The following ARHGAP32 variants were observed in gnomAD, a reference collection of about 807,000 sequenced individuals.
The protein encoded by ARHGAP32 is rho GTPase-activating protein 32.
ARHGAP32 carries 51 observed loss-of-function variants against 186.5 expected under a neutral mutation model. That is an observed-to-expected ratio of 0.27 (90% confidence interval 0.22 to 0.35). The LOEUF (loss-of-function observed/expected upper bound fraction) is 0.35. Ranked by LOEUF, ARHGAP32 falls within the 10% of genes least tolerant of loss-of-function variation. The pLI, the probability that ARHGAP32 is intolerant of heterozygous loss-of-function variation, is 1.00. For missense variants in ARHGAP32, 2,186 were observed against 2,623.5 expected, an observed-to-expected ratio of 0.83 and a Z score of 3.64; for synonymous variants, 950 against 964.3, an observed-to-expected ratio of 0.99 and a Z score of 0.27.
At position 129,276,720 on chromosome 11, in the gene ARHGAP32, T is replaced by A. The variant is rs540849725; in HGVS notation, c.-5+2426A>T. 1.2e-4 allele frequency among the ~76,000 whole-genome samples: 18 copies of A among 152,384 alleles called. No individual in the cohort carries two copies. The East Asian group carries it at 2.9e-3, about 24-fold the overall frequency. ...TTATACGTAATGACAATACTTTACA[T>A]ATTTAAAAACAGTTCTGCAGAGCAT... On this transcript the variant is annotated intron_variant, in intron 1 of 6. Transcript: ENST00000525234.
Position 129,057,036 on chromosome 11 carries a change from T to C in ARHGAP32, c.963+5244A>G, listed in dbSNP as rs143419642. On this transcript the variant is annotated intron_variant, in intron 10 of 22. Coordinates refer to ENST00000682385, the MANE Select transcript of ARHGAP32 (RefSeq NM_001378024.1). ...TCTGTGACGCACAGCCTCCTCCGTG[T>C]TCTGCAGCCGGAGCCCAGTTGACAG... Among the ~76,000 whole-genome samples, 186 of 152,256 alleles carry C rather than the reference T, an allele frequency of 1.2e-3. 2 individuals carry two copies. Among genetic ancestry groups the C allele is most frequent in the Middle Eastern group, 3.4e-3 (1 of 294 alleles).
chr11:129,071,562 C>T (rs964999705), intron 6 of ARHGAP32, among the ~76,000 whole-genome samples: 4 of 151,824 alleles, frequency 2.6e-5, no homozygotes, highest in Admixed American at 1.3e-4. Flanking sequence ...AAGATGGTGT[C>T]GGCAAAGCTG....
intron 1 of ARHGAP32, among the ~76,000 whole-genome samples, chr11:129,261,306 G>T (rs1192225099): frequency 1.3e-5 from 2 of 152,096 alleles, no homozygotes; most frequent in South Asian, 2.1e-4. Context: ...ACTCAGAAAT[G>T]TTTCCAAACC....
At chr11:129,235,816 G>C (rs896249922) in intron 1 of ARHGAP32, among the ~76,000 whole-genome samples, 5 of 151,328 alleles carry the variant, frequency 3.3e-5, no homozygotes, top group Non-Finnish European at 7.4e-5. Context: ...AGGCTATTTA[G>C]TTTTCCATTC....
At chr11:129,023,927 A>G (rs1938713326) in intron 11 of ARHGAP32, 1 of 985,262 alleles carries the variant, frequency 1.0e-6, no homozygotes, top group African/African-American at 1.7e-5. Flanking sequence ...TTAGCAGTAG[A>G]TTCATCAGGA....
At chr11:128,991,383 G>C (rs1946046380) in intron 12 of ARHGAP32, among the ~76,000 whole-genome samples, 1 of 151,928 alleles carries the variant, frequency 6.6e-6, no homozygotes, top group South Asian at 2.1e-4. Flanking sequence ...ATACAAATAG[G>C]TGGCAAAATG....
At chr11:128,976,676 T>C in intron 19 of ARHGAP32, 42 bp from the exon 20 acceptor site, 1 of 1,523,838 alleles carries the variant, frequency 6.6e-7, no homozygotes, top group South Asian at 1.1e-5. Flanking sequence ...TTCTTATTTG[T>C]TACATATGTG....
At chr11:129,129,407 G>C (rs540808206) in intron 2 of ARHGAP32, among the ~76,000 whole-genome samples, 29 of 150,448 alleles carry the variant, frequency 1.9e-4, no homozygotes, top group African/African-American at 7.1e-4. Context: ...CCCAGTCCGG[G>C]AGGGAGGTAG....
At chr11:129,002,972 C>T (rs1370190833) in intron 11 of ARHGAP32, among the ~76,000 whole-genome samples, 1 of 151,880 alleles carries the variant, frequency 6.6e-6, no homozygotes, top group African/African-American at 2.4e-5. Context: ...CTACGCCCGG[C>T]TAACTTTTTG....
intron 1 of ARHGAP32, among the ~76,000 whole-genome samples, chr11:129,185,345 C>G (rs1048810233): frequency 6.6e-6 from 1 of 152,108 alleles, no homozygotes; most frequent in African/African-American, 2.4e-5. Flanking sequence ...AGCAAACTAT[C>G]ACAAGGACAA....
intron 6 of ARHGAP32, among the ~76,000 whole-genome samples, chr11:129,082,256 C>T (rs1459845151): frequency 6.6e-6 from 1 of 151,748 alleles, no homozygotes; most frequent in Non-Finnish European, 1.5e-5. Flanking sequence ...AAAAACAATC[C>T]TAAAATTCAT....
At chr11:129,149,569 C>T (rs1943244533) in intron 2 of ARHGAP32, among the ~76,000 whole-genome samples, 10 of 152,186 alleles carry the variant, frequency 6.6e-5, no homozygotes, top group Admixed American at 6.5e-4. Context: ...TAGGAAGCCC[C>T]ATCCTCAAGA....
intron 1 of ARHGAP32, among the ~76,000 whole-genome samples, chr11:129,165,687 A>G (rs1296990216): frequency 2.0e-5 from 3 of 151,208 alleles, no homozygotes. Flanking sequence ...AGACTTTAAA[A>G]TGGCATTTGT....
At chr11:129,117,972 T>C (rs1942417010) in intron 5 of ARHGAP32, among the ~76,000 whole-genome samples, 1 of 152,018 alleles carries the variant, frequency 6.6e-6, no homozygotes, top group Non-Finnish European at 1.5e-5. Context: ...TTTGCAGAAT[T>C]TTAAACTACA....
At chr11:129,203,154 A>T (rs1428134362) in intron 1 of ARHGAP32, 1 of 152,198 alleles carries the variant, frequency 6.6e-6, no homozygotes, top group Non-Finnish European at 1.5e-5. Flanking sequence ...AACAAATAAC[A>T]AAAACACTTG....
At chr11:129,203,952 T>C (rs1319827500) in intron 1 of ARHGAP32, among the ~76,000 whole-genome samples, 1 of 147,870 alleles carries the variant, frequency 6.8e-6, no homozygotes, top group African/African-American at 2.5e-5. Flanking sequence ...ATTTTATACA[T>C]ATATAAATTA....
At chr11:129,005,209 C>CTTA (rs1937699195) in intron 11 of ARHGAP32, among the ~76,000 whole-genome samples, 1 of 152,086 alleles carries the variant, frequency 6.6e-6, no homozygotes, top group African/African-American at 2.4e-5. Flanking sequence ...CTATTTATAT[C>CTTA]TTATACTGTC....
chr11:128,991,896 C>T (rs938679777), intron 12 of ARHGAP32, among the ~76,000 whole-genome samples: 2 of 151,814 alleles, frequency 1.3e-5, no homozygotes, highest in Admixed American at 6.6e-5. Flanking sequence ...GTTTTGGTTT[C>T]GTTTCTGCTC....
chr11:129,014,500 T>C (rs542881202), intron 11 of ARHGAP32, among the ~76,000 whole-genome samples: 1 of 152,316 alleles, frequency 6.6e-6, no homozygotes, highest in African/African-American at 2.4e-5. Context: ...TGGGCTTGGA[T>C]TAATTTCTGA....
Sources: allele counts gnomAD v4.1 joint callset (sites outside exome capture counted in the v4.1 genomes callset), GRCh38; gene constraint gnomAD v4.1.1; transcripts MANE v1.5; gene names NCBI Gene and HGNC (gene_info 2026-07-23, HGNC 2026-07-21).